Variants in GIMD1 observed in about 807,000 individuals in gnomAD.
The protein encoded by GIMD1 is GTPase IMAP family member GIMD1.
In GIMD1, 14 loss-of-function variants were observed where a neutral mutation model predicts 14.9. The observed-to-expected ratio is 0.94, with a 90% CI of 0.62 to 1.47. The LOEUF is 1.47. Among genes scored for constraint, GIMD1 ranks in the 40% most tolerant of loss-of-function variants. The pLI is 0.00. For missense variants in GIMD1, 272 were observed against 255.3 expected (o/e 1.07, Z -0.44); for synonymous variants, 91 against 90.5 (o/e 1.01, Z -0.03).
chr4:106,357,962 A>G lies in GIMD1; in HGVS notation c.*221T>C, dbSNP rs1222003672. The G allele has an allele frequency of 2.4e-6, 1 of 414,968 alleles. No individual in the cohort carries two copies. Among genetic ancestry groups the G allele is most frequent in the Non-Finnish European group, 4.3e-6 (1 of 231,768 alleles). The allele number at this position is 414,968 out of a possible 1,614,324, so 25.7% of individuals were successfully genotyped here. A position where few individuals can be genotyped will look rare whatever the true frequency, so the allele number is the denominator to read the frequency against. On this transcript the variant is annotated 3_prime_UTR_variant, in exon 3 of 3. Coordinates refer to ENST00000638719, the MANE Select transcript of GIMD1 (RefSeq NM_001195138.2). ...AAATGTACACATTTATGTTGGGTATACACTTAGGAGTGTAATTGCTATGTC... is the reference window on the plus strand; with the variant it reads ...AAATGTACACATTTATGTTGGGTATGCACTTAGGAGTGTAATTGCTATGTC...
intron 1 of GIMD1, among the ~76,000 whole-genome samples, chr4:106,368,081 A>C (rs775471793): frequency 2.6e-5 from 4 of 152,202 alleles, no homozygotes; most frequent in Non-Finnish European, 4.4e-5. Context: ...ACATTGGTGA[A>C]AATACAAACT....
At chr4:106,367,581 A>G (rs2125935072) in intron 1 of GIMD1, 144 bp from the exon 2 acceptor site, 2 of 706,440 alleles carry the variant, frequency 2.8e-6, no homozygotes, top group Non-Finnish European at 4.5e-6. Context: ...ATGGAGGAGG[A>G]CTGCTCCACT....
intron 2 of GIMD1, among the ~76,000 whole-genome samples, chr4:106,359,521 C>G (rs146914862): frequency 7.0e-4 from 106 of 151,834 alleles, no homozygotes; most frequent in African/African-American, 2.4e-3. Context: ...GTGGGAGATA[C>G]TATTATTATC....
In GIMD1 at chr4:106,360,571, C is replaced by T. The variant is rs141661391; in HGVS notation, c.394-2128G>A. The stretch of plus-strand genomic sequence containing the variant: ...GTGATGTTATGGGTTGAATTGCATC[C>T]TCCGCCAAACTCATGTGTTGAAATT... On this transcript the variant is annotated intron_variant, in intron 2 of 2. Coordinates refer to ENST00000638719, the MANE Select transcript of GIMD1 (RefSeq NM_001195138.2). 1.6e-4 allele frequency among the ~76,000 whole-genome samples: 25 copies of T among 151,984 alleles called. No homozygotes were observed. In the East Asian group the frequency reaches 1.7e-3, roughly 11 times the overall value.
chr4:106,365,618 A>C (rs950857977), intron 2 of GIMD1, among the ~76,000 whole-genome samples: 8 of 152,128 alleles, frequency 5.3e-5, no homozygotes, highest in African/African-American at 1.9e-4. Context: ...TTCACCATTC[A>C]GTATAAAGTT....
intron 2 of GIMD1, among the ~76,000 whole-genome samples, chr4:106,360,708 C>T (rs1221575866): frequency 6.6e-6 from 1 of 151,798 alleles, no homozygotes; most frequent in East Asian, 1.9e-4. Flanking sequence ...GATTGGTGTC[C>T]TTATAAAAAA....
intron 2 of GIMD1, among the ~76,000 whole-genome samples, chr4:106,362,063 G>A (rs1016230205): frequency 2.0e-5 from 3 of 152,056 alleles, no homozygotes; most frequent in African/African-American, 7.2e-5. Context: ...CAGAGAACGT[G>A]AGTTAAATCA....
chr4:106,359,658 A>C (rs529785522), intron 2 of GIMD1, among the ~76,000 whole-genome samples: 1 of 151,844 alleles, frequency 6.6e-6, no homozygotes, highest in Admixed American at 6.6e-5. Context: ...AATGTACCTA[A>C]AAAATACAGG....
rs147279377 is a variant in GIMD1 at position 106,367,407 on chromosome 4, T to G, written c.29A>C (p.Asn10Thr). The G allele has an allele frequency of 7.0e-4, 1,080 of 1,534,648 alleles. 4 individuals carry two copies. The African/African-American group carries it at 0.012, about 17-fold the overall frequency. ...CTGAGTCATGCCAAAGAGGGCCAAGTTGATGATCATCTTGTTGGGGTCTGT... is the reference window on the plus strand; with the variant it reads ...CTGAGTCATGCCAAAGAGGGCCAAGGTGATGATCATCTTGTTGGGGTCTGT... Reference protein sequence around the residue: MTDPNKMIINLALFGMTQSG... With the variant: MTDPNKMIITLALFGMTQSG... The change falls in exon 2 of 3, where the codon AAC becomes ACC. Residue 10 changes from asparagine to threonine, a missense_variant. Coordinates refer to ENST00000638719, the MANE Select transcript of GIMD1 (RefSeq NM_001195138.2).
intron 2 of GIMD1, among the ~76,000 whole-genome samples, chr4:106,361,543 A>G (rs1028634544): frequency 6.6e-6 from 1 of 152,102 alleles, no homozygotes; most frequent in African/African-American, 2.4e-5. Flanking sequence ...ACAGCTATTG[A>G]TCTTTGATCA....
At chr4:106,362,677 A>G (rs181330290) in intron 2 of GIMD1, among the ~76,000 whole-genome samples, 1 of 152,198 alleles carries the variant, frequency 6.6e-6, no homozygotes, top group East Asian at 1.9e-4. Context: ...AAAGCCAACT[A>G]TTACATCAAC....
At chr4:106,362,120 G>A (rs888989917) in intron 2 of GIMD1, among the ~76,000 whole-genome samples, 3 of 152,086 alleles carry the variant, frequency 2.0e-5, no homozygotes, top group Non-Finnish European at 4.4e-5. Flanking sequence ...AAAAGTCCAT[G>A]TGTTCAGCCA....
rs575824063 is a variant in GIMD1 at position 106,358,030 on chromosome 4, T to C, written c.*153A>G. ...AATCTTGAATCATTGATGTTCTTTTTAACTTCTAGTTTTCCAAAGTGGTTA... is the reference window on the plus strand; with the variant it reads ...AATCTTGAATCATTGATGTTCTTTTCAACTTCTAGTTTTCCAAAGTGGTTA... On this transcript the variant is annotated 3_prime_UTR_variant, in exon 3 of 3. Coordinates refer to ENST00000638719, the MANE Select transcript of GIMD1 (RefSeq NM_001195138.2). 2 of 545,642 alleles carry C rather than the reference T, an allele frequency of 3.7e-6. No individual in the cohort carries two copies. Among genetic ancestry groups the C allele is most frequent in the East Asian group, 6.1e-5 (2 of 32,694 alleles). The allele number at this position is 545,642 out of a possible 1,614,324, so 33.8% of individuals were successfully genotyped here. A position where few individuals can be genotyped will look rare whatever the true frequency, so the allele number is the denominator to read the frequency against.
chr4:106,364,334 G>A (rs935560994), intron 2 of GIMD1, among the ~76,000 whole-genome samples: 2 of 152,138 alleles, frequency 1.3e-5, no homozygotes, highest in Non-Finnish European at 2.9e-5. Flanking sequence ...CTGAAAAGGG[G>A]TAAAAGAAAG....
At position 106,358,275 on chromosome 4, in the gene GIMD1, C is replaced by CT. The variant is rs1335399885; in HGVS notation, c.561dup (p.Gly188ArgfsTer6). ...ATTCTTTGTTCATTGAGTGATTTTC[C>CT]TTTTTTGTACTGGAAAACGTATTTG... On this transcript the variant is annotated frameshift_variant, in exon 3 of 3. Transcript: ENST00000638719. LOFTEE classifies it high-confidence loss of function. 6.5e-7 allele frequency: 1 copy of CT among 1,530,358 alleles called. No individual in the cohort carries two copies. Among genetic ancestry groups the CT allele is most frequent in the African/African-American group, 1.4e-5 (1 of 72,748 alleles). 94.8% of individuals were successfully genotyped at this position (1,530,358 alleles called of 1,614,324 possible).
chr4:106,367,998 C>A (rs1454483624), intron 1 of GIMD1, among the ~76,000 whole-genome samples: 1 of 152,104 alleles, frequency 6.6e-6, no homozygotes, highest in Non-Finnish European at 1.5e-5. Context: ...ATGCTTCTTT[C>A]CTATGAAATA....
chr4:106,363,991 C>T (rs1257839166), intron 2 of GIMD1, among the ~76,000 whole-genome samples: 1 of 150,660 alleles, frequency 6.6e-6, no homozygotes, highest in East Asian at 2.0e-4. Flanking sequence ...TATATCTTCT[C>T]TGATTCATTA....
chr4:106,364,726 C>A (rs542787410), intron 2 of GIMD1, among the ~76,000 whole-genome samples: 1 of 152,312 alleles, frequency 6.6e-6, no homozygotes, highest in African/African-American at 2.4e-5. Context: ...GGGATCTGAG[C>A]TTTGCCCTAG....
rs952624962 is a variant in GIMD1 at position 106,358,345 on chromosome 4, A to C, written c.492T>G (p.His164Gln). The change falls in exon 3 of 3, where the codon CAT (histidine) becomes CAG (glutamine). Residue 164 changes from histidine to glutamine, a missense_variant. Physicochemically the swap from His to Gln is conservative, Grantham distance 24. Transcript: ENST00000638719. ...EAGLTEDKYLHEASDTLKTLL... is the reference protein window; with the variant it reads ...EAGLTEDKYLQEASDTLKTLL... ...GCGTTTTCAGGGTATCAGAGGCCTC[A>C]TGTAAATATTTATCTTCAGTAAGCC... 5 of 1,533,924 alleles carry C rather than the reference A, an allele frequency of 3.3e-6. No individual in the cohort carries two copies. The highest frequency in any genetic ancestry group is 4.4e-6 in the Non-Finnish European group (5 of 1,145,584).
Sources: allele counts gnomAD v4.1 joint callset (sites outside exome capture counted in the v4.1 genomes callset), GRCh38; gene constraint gnomAD v4.1.1; transcripts MANE v1.5; gene names NCBI Gene and HGNC (gene_info 2026-07-23, HGNC 2026-07-21).